The following DCAF8 variants were observed in gnomAD, a reference collection of about 807,000 sequenced individuals.
DCAF8 encodes the protein DDB1 and CUL4 associated factor 8.
DCAF8 carries 20 observed loss-of-function variants against 68.0 expected under a neutral mutation model. The observed-to-expected ratio is 0.29, with a 90% confidence interval of 0.21 to 0.43. The LOEUF is 0.43. DCAF8 is among the 20% of genes least tolerant of loss of function. The pLI is 1.00. For missense variants in DCAF8, 460 were observed against 771.0 expected (o/e 0.60, Z 4.78); for synonymous variants, 230 against 276.9 (o/e 0.83, Z 1.68).
chr1:160,225,155 C>A (rs776265328), intron 8 of DCAF8, 36 bp from the exon 9 acceptor site: 2 of 1,598,314 alleles, frequency 1.3e-6, no homozygotes, highest in South Asian at 1.1e-5. Context: ...GATGCCCCAC[C>A]CCCCCATTTG....
At chr1:160,242,551 T>C (rs1201067770) in intron 3 of DCAF8, among the ~76,000 whole-genome samples, 1 of 152,142 alleles carries the variant, frequency 6.6e-6, no homozygotes, top group Admixed American at 6.5e-5. Flanking sequence ...TTGGAGGCCT[T>C]ACCACATTAA....
At chr1:160,221,506 A>G (rs549241509) in intron 11 of DCAF8, among the ~76,000 whole-genome samples, 3 of 152,246 alleles carry the variant, frequency 2.0e-5, no homozygotes, top group South Asian at 2.1e-4. Context: ...AATTTGAAAT[A>G]CCCTTTCACC....
At chr1:160,257,862 A>G (rs1400237881) in intron 2 of DCAF8, among the ~76,000 whole-genome samples, 1 of 152,114 alleles carries the variant, frequency 6.6e-6, no homozygotes, top group Non-Finnish European at 1.5e-5. Flanking sequence ...TCCCAAGGAG[A>G]TGGGACTGCA....
chr1:160,225,469 G>T, intron 8 of DCAF8, 122 bp downstream of exon 8: 1 of 745,118 alleles, frequency 1.3e-6, no homozygotes, highest in South Asian at 1.8e-5. Flanking sequence ...GGTAAAGCCA[G>T]GATTCAAATC....
chr1:160,259,704 G>T (rs186432577), intron 2 of DCAF8, among the ~76,000 whole-genome samples: 1 of 152,276 alleles, frequency 6.6e-6, no homozygotes, highest in African/African-American at 2.4e-5. Flanking sequence ...AAAAAGGAAA[G>T]TATAAAGAAT....
At chr1:160,218,761 G>T (rs1655204875) in intron 12 of DCAF8, 88 bp downstream of exon 12, 12 of 1,567,026 alleles carry the variant, frequency 7.7e-6, no homozygotes, top group African/African-American at 1.4e-5. Context: ...TAAAGAACTG[G>T]GCAGCAAGTT....
chr1:160,241,475 T>G (rs1327909707), intron 3 of DCAF8, among the ~76,000 whole-genome samples: 1 of 152,238 alleles, frequency 6.6e-6, no homozygotes, highest in Non-Finnish European at 1.5e-5. Context: ...AGGTCTGCTA[T>G]GCTGATAGTT....
intron 6 of DCAF8, among the ~76,000 whole-genome samples, chr1:160,232,628 G>A (rs1335022598): frequency 6.7e-6 from 1 of 150,298 alleles, no homozygotes; most frequent in Non-Finnish European, 1.5e-5. Flanking sequence ...GTGGCAGAGG[G>A]AGACTCTGTC....
chr1:160,237,985 G>A (rs1004251978), intron 5 of DCAF8, among the ~76,000 whole-genome samples: 8 of 152,158 alleles, frequency 5.3e-5, no homozygotes, highest in African/African-American at 1.9e-4. Context: ...CAAAGAAATA[G>A]GTAATTTTCA....
At chr1:160,257,269 TA>T (rs71811331) in intron 2 of DCAF8, among the ~76,000 whole-genome samples, 10,760 of 142,754 alleles carry the variant, frequency 0.075, 1,184 homozygotes, top group African/African-American at 0.25. Flanking sequence ...TAATCTGCTT[TA>T]AAAAAAAAAA....
At chr1:160,232,753 G>A (rs1051844200) in intron 6 of DCAF8, among the ~76,000 whole-genome samples, 2 of 152,162 alleles carry the variant, frequency 1.3e-5, no homozygotes, top group Non-Finnish European at 2.9e-5. Context: ...AGAAAGTTGA[G>A]GCTGCAGTGA....
chr1:160,251,691 C>T (rs1363227888), intron 2 of DCAF8, among the ~76,000 whole-genome samples: 2 of 152,164 alleles, frequency 1.3e-5, no homozygotes, highest in Non-Finnish European at 2.9e-5. Flanking sequence ...TGGTCTCGAA[C>T]TCCTGGACTC....
At chr1:160,243,833 A>C in intron 3 of DCAF8, 127 bp downstream of exon 3, 3 of 879,188 alleles carry the variant, frequency 3.4e-6, no homozygotes, top group Admixed American at 2.3e-5. Flanking sequence ...GTAGTTTCCT[A>C]AACTCAGAAC....
chr1:160,224,194 G>A (rs1655393236), intron 10 of DCAF8, among the ~76,000 whole-genome samples: 1 of 152,176 alleles, frequency 6.6e-6, no homozygotes, highest in South Asian at 2.1e-4. Flanking sequence ...CTTAAAAACA[G>A]TTAGTCTAGC....
chr1:160,245,531 G>A (rs923690794), intron 2 of DCAF8, among the ~76,000 whole-genome samples: 1 of 152,148 alleles, frequency 6.6e-6, no homozygotes. Flanking sequence ...GTAGCCCAAA[G>A]ATTGTTCATA....
At chr1:160,246,575 T>C (rs138208121) in intron 2 of DCAF8, among the ~76,000 whole-genome samples, 48 of 152,282 alleles carry the variant, frequency 3.2e-4, no homozygotes, top group Middle Eastern at 3.4e-3. Context: ...AAGGACTGCT[T>C]GAGCTCAGGA....
intron 12 of DCAF8, 46 bp downstream of exon 12, chr1:160,218,803 A>G (rs1655206025): frequency 1.9e-6 from 3 of 1,611,326 alleles, no homozygotes; most frequent in African/African-American, 2.7e-5. Flanking sequence ...AATCAACAGT[A>G]TGTGGATAAG....
chr1:160,243,128 G>A (rs923247422), intron 3 of DCAF8, among the ~76,000 whole-genome samples: 3 of 152,258 alleles, frequency 2.0e-5, no homozygotes, highest in South Asian at 4.1e-4. Flanking sequence ...ATTTAAAGGC[G>A]GCTTCTCTAA....
At chr1:160,248,336 G>A (rs1015102535) in intron 2 of DCAF8, among the ~76,000 whole-genome samples, 1 of 151,682 alleles carries the variant, frequency 6.6e-6, no homozygotes, top group Non-Finnish European at 1.5e-5. Context: ...ATATCTCCAA[G>A]AGATACTGTT....
Sources: gnomAD v4.1 joint callset for allele counts (sites outside exome capture counted in the v4.1 genomes callset) on GRCh38, gnomAD v4.1.1 for gene constraint, MANE v1.5 for transcripts, NCBI Gene and HGNC (gene_info 2026-07-23, HGNC 2026-07-21) for gene names.